The following HDAC9 variants were observed in gnomAD, a reference collection of about 807,000 sequenced individuals.
HDAC9 encodes the protein histone deacetylase 9, also known as MEF-2 interacting transcription repressor (MITR) protein.
A neutral mutation model predicts 139.4 loss-of-function variants in HDAC9; 41 were observed. The observed-to-expected ratio is 0.29, with a 90% CI of 0.23 to 0.38. HDAC9 has a LOEUF of 0.38. HDAC9 is among the 10% of genes least tolerant of loss of function. The pLI is 1.00. For synonymous variants in HDAC9, 517 were observed against 476.2 expected (o/e 1.09, Z -1.12); for missense variants, 1,147 against 1,297.0 (o/e 0.88, Z 1.78).
At chr7:18,797,893 A>G (rs1167626462) in intron 17 of HDAC9, among the ~76,000 whole-genome samples, 2 of 152,104 alleles carry the variant, frequency 1.3e-5, no homozygotes, top group African/African-American at 4.8e-5. Flanking sequence ...CTTTATAAAA[A>G]TGGAACCTTA....
chr7:18,358,156 C>T (rs1783476880), intron 1 of HDAC9, among the ~76,000 whole-genome samples: 1 of 152,070 alleles, frequency 6.6e-6, no homozygotes, highest in Non-Finnish European at 1.5e-5. Flanking sequence ...GCCATGCATT[C>T]CAGCCTGGGC....
intron 17 of HDAC9, among the ~76,000 whole-genome samples, chr7:18,814,585 G>T (rs1794427671): frequency 6.6e-6 from 1 of 152,012 alleles, no homozygotes; most frequent in African/African-American, 2.4e-5. Context: ...ACATGTGCAT[G>T]CTCACCCCCC....
At chr7:18,157,804 TGAGAGAGAGAGAGAGAGAGAGA>T (rs67690215) in intron 1 of HDAC9, among the ~76,000 whole-genome samples, 12 of 109,528 alleles carry the variant, frequency 1.1e-4, no homozygotes, top group African/African-American at 3.6e-4. Flanking sequence ...TTCTAAGGCA[TGAGAGAGAGAGAGAGAGAGAGA>T]GAGAGAGAGA....
intron 21 of HDAC9, among the ~76,000 whole-genome samples, chr7:18,872,485 A>G (rs2129244551): frequency 6.6e-6 from 1 of 152,304 alleles, no homozygotes; most frequent in Middle Eastern, 3.4e-3. Context: ...AAAGGGCACT[A>G]TAAAGGTGAA....
At chr7:18,784,440 G>A (rs548732751) in intron 16 of HDAC9, among the ~76,000 whole-genome samples, 1 of 151,756 alleles carries the variant, frequency 6.6e-6, no homozygotes, top group South Asian at 2.1e-4. Context: ...AATCCGAGGA[G>A]GCATTTTAGA....
intron 2 of HDAC9, among the ~76,000 whole-genome samples, chr7:18,263,006 G>C (rs1274819554): frequency 2.0e-5 from 3 of 152,062 alleles, no homozygotes; most frequent in Non-Finnish European, 4.4e-5. Context: ...CCTACCTTAT[G>C]AGTAATTTAT....
At chr7:18,210,635 T>C (rs1448347867) in intron 2 of HDAC9, among the ~76,000 whole-genome samples, 1 of 152,228 alleles carries the variant, frequency 6.6e-6, no homozygotes, top group Non-Finnish European at 1.5e-5. Flanking sequence ...AGGCACTTGC[T>C]ATATTATGTG....
intron 13 of HDAC9, among the ~76,000 whole-genome samples, chr7:18,733,038 G>T (rs1200471418): frequency 3.5e-5 from 5 of 142,200 alleles, no homozygotes; most frequent in South Asian, 2.2e-4. Context: ...TATATATACA[G>T]ATATACATAT....
chr7:18,202,390 T>A (rs1156642883), intron 2 of HDAC9, among the ~76,000 whole-genome samples: 1 of 152,222 alleles, frequency 6.6e-6, no homozygotes, highest in Admixed American at 6.5e-5. Context: ...GGGATTTTTT[T>A]TTCCTTCAGA....
chr7:18,716,119 C>T (rs1299958146), intron 12 of HDAC9, among the ~76,000 whole-genome samples: 2 of 152,108 alleles, frequency 1.3e-5, no homozygotes, highest in Non-Finnish European at 2.9e-5. Flanking sequence ...ACCTCTTTTT[C>T]CCCTCCTTCT....
intron 2 of HDAC9, among the ~76,000 whole-genome samples, chr7:18,220,829 A>G (rs1792645656): frequency 6.6e-6 from 1 of 152,192 alleles, no homozygotes; most frequent in Non-Finnish European, 1.5e-5. Context: ...GAGCTCAGTA[A>G]GTCAGGAAGA....
chr7:18,848,364 C>T (rs551108322), intron 21 of HDAC9, among the ~76,000 whole-genome samples: 1 of 152,102 alleles, frequency 6.6e-6, no homozygotes, highest in South Asian at 2.1e-4. Flanking sequence ...GTATGTTGAA[C>T]CCCTAACCCT....
intron 8 of HDAC9, among the ~76,000 whole-genome samples, chr7:18,644,371 T>G (rs1786685256): frequency 6.6e-6 from 1 of 152,126 alleles, no homozygotes; most frequent in South Asian, 2.1e-4. Flanking sequence ...TTATCCAATT[T>G]TATCATTGTA....
chr7:18,089,490 A>G (rs1446037341), intron 1 of HDAC9, among the ~76,000 whole-genome samples: 1 of 151,948 alleles, frequency 6.6e-6, no homozygotes, highest in Non-Finnish European at 1.5e-5. Context: ...ATAAATAATT[A>G]TATATTTAAG....
At chr7:18,745,759 G>A (rs932780208) in intron 13 of HDAC9, among the ~76,000 whole-genome samples, 5 of 151,540 alleles carry the variant, frequency 3.3e-5, no homozygotes, top group South Asian at 4.2e-4. Flanking sequence ...TGTTAGCCAG[G>A]TTGGTCTCGA....
chr7:18,955,171 T>C (rs573856601), intron 24 of HDAC9, among the ~76,000 whole-genome samples: 2 of 152,228 alleles, frequency 1.3e-5, no homozygotes, highest in Non-Finnish European at 2.9e-5. Context: ...AACCTTCAAA[T>C]GCTGGGGTGC....
intron 3 of HDAC9, among the ~76,000 whole-genome samples, chr7:18,587,357 A>G (rs1829754979): frequency 6.6e-6 from 1 of 152,182 alleles, no homozygotes; most frequent in Non-Finnish European, 1.5e-5. Context: ...TTTTAAAATG[A>G]TTTTCCAAAA....
At chr7:18,099,871 T>C (rs1195078330) in intron 1 of HDAC9, among the ~76,000 whole-genome samples, 1 of 152,252 alleles carries the variant, frequency 6.6e-6, no homozygotes, top group Non-Finnish European at 1.5e-5. Context: ...TATTTAAAGA[T>C]ATTTATGTAA....
At chr7:18,279,854 A>G (rs1658858141) in intron 2 of HDAC9, among the ~76,000 whole-genome samples, 1 of 152,088 alleles carries the variant, frequency 6.6e-6, no homozygotes, top group Non-Finnish European at 1.5e-5. Flanking sequence ...ACCAAATATT[A>G]TTTCTTGCAT....
Sources: gnomAD v4.1 joint callset for allele counts (sites outside exome capture counted in the v4.1 genomes callset) on GRCh38, gnomAD v4.1.1 for gene constraint, MANE v1.5 for transcripts, NCBI Gene and HGNC (gene_info 2026-07-23, HGNC 2026-07-21) for gene names.